The following THADA variants were observed in gnomAD, a reference collection of about 807,000 sequenced individuals.
The protein encoded by THADA is THADA armadillo repeat containing, also known as tRNA (32-2'-O)-methyltransferase regulator THADA.
A neutral mutation model predicts 219.8 loss-of-function variants in THADA; 213 were observed. The ratio of observed to expected loss-of-function variants is 0.97; its 90% CI spans 0.87 to 1.09. The LOEUF is 1.09. Among genes scored for constraint, THADA ranks in the 50% least tolerant of loss-of-function variants. The probability of loss-of-function intolerance (pLI) is 0.00; values close to 1 mark genes in which losing one functional copy is unlikely to be tolerated. For missense variants in THADA, 2,956 were observed against 2,311.3 expected (o/e 1.28, Z -5.72); for synonymous variants, 1,018 against 828.9 (o/e 1.23, Z -3.92).
At chr2:43,517,424 A>G (rs1691860014) in intron 22 of THADA, among the ~76,000 whole-genome samples, 1 of 152,322 alleles carries the variant, frequency 6.6e-6, no homozygotes, top group Middle Eastern at 3.4e-3. Flanking sequence ...ACCTCAACTG[A>G]GTAAGGGTAA....
At chr2:43,566,896 T>C in intron 14 of THADA, 75 bp from the exon 15 acceptor site, 3 of 1,016,364 alleles carry the variant, frequency 3.0e-6, no homozygotes, top group Non-Finnish European at 4.0e-6. Flanking sequence ...TAAACACCCT[T>C]TAAGAGTGGG....
At chr2:43,566,557 T>G (rs768033927) in intron 15 of THADA, 141 bp downstream of exon 15, 1 of 942,916 alleles carries the variant, frequency 1.1e-6, no homozygotes, top group Non-Finnish European at 1.7e-6. Flanking sequence ...AATTTCATTA[T>G]GTACAAGCAA....
At chr2:43,523,683 G>C (rs1432041643) in intron 22 of THADA, among the ~76,000 whole-genome samples, 1 of 152,074 alleles carries the variant, frequency 6.6e-6, no homozygotes, top group African/African-American at 2.4e-5. Context: ...GTCAGTACTA[G>C]TATTTAATGA....
At chr2:43,438,327 A>G (rs1261294300) in intron 26 of THADA, among the ~76,000 whole-genome samples, 1 of 150,692 alleles carries the variant, frequency 6.6e-6, no homozygotes, top group Non-Finnish European at 1.5e-5. Context: ...AACCCAAACT[A>G]TGCCAAGAGA....
intron 30 of THADA, among the ~76,000 whole-genome samples, chr2:43,332,123 T>C (rs1665859694): frequency 6.6e-6 from 1 of 152,236 alleles, no homozygotes; most frequent in Non-Finnish European, 1.5e-5. Context: ...TCTTGCTCTG[T>C]CACCCAGGCC....
intron 35 of THADA, among the ~76,000 whole-genome samples, chr2:43,281,306 C>T (rs1008454321): frequency 2.2e-4 from 34 of 152,184 alleles, no homozygotes; most frequent in Admixed American, 1.8e-3. Flanking sequence ...GGGTTCAATA[C>T]CTTCCTTTCT....
In THADA at chr2:43,304,741, G is replaced by A. The variant is rs6544642; in HGVS notation, c.4439-11528C>T. 4.8e-3 allele frequency among the ~76,000 whole-genome samples: 715 copies of A among 149,550 alleles called. 5 individuals are homozygous for A. Among genetic ancestry groups the A allele is most frequent in the African/African-American group, 0.017 (677 of 40,178 alleles). ...GGCTGGAGTGCAGTGGTGCAATCTC[G>A]GCTCACCGCAACCTCCGCCTTTCGG... On this transcript the variant is annotated intron_variant, in intron 31 of 37. Coordinates refer to ENST00000405975, the MANE Select transcript of THADA (RefSeq NM_022065.5).
chr2:43,431,821 C>T (rs1337091520), intron 26 of THADA, among the ~76,000 whole-genome samples: 1 of 58,086 alleles, frequency 1.7e-5, no homozygotes, highest in Non-Finnish European at 3.1e-5. Flanking sequence ...CCCGCCACCA[C>T]GCCCGGATAA....
intron 36 of THADA, among the ~76,000 whole-genome samples, chr2:43,248,174 G>T (rs1361698426): frequency 0.012 from 742 of 64,202 alleles, 1 homozygote; most frequent in African/African-American, 0.016. Flanking sequence ...TAGAGAGAGA[G>T]AGAGAGAGAG....
intron 29 of THADA, among the ~76,000 whole-genome samples, chr2:43,364,957 C>CTT (rs111298149): frequency 5.9e-5 from 8 of 135,920 alleles, no homozygotes; most frequent in Admixed American, 7.4e-5. Flanking sequence ...TTAATCTCAT[C>CTT]TTTTTTTTTT....
intron 28 of THADA, among the ~76,000 whole-genome samples, chr2:43,399,691 C>A (rs1674549677): frequency 6.6e-6 from 1 of 152,098 alleles, no homozygotes; most frequent in South Asian, 2.1e-4. Context: ...GCTATGGTTA[C>A]AGTAGGTAGC....
chr2:43,437,115 T>C (rs148938072), intron 26 of THADA, among the ~76,000 whole-genome samples: 223 of 152,326 alleles, frequency 1.5e-3, no homozygotes, highest in African/African-American at 5.2e-3. Context: ...ATTAAAAACA[T>C]GGTACAAAAT....
At chr2:43,284,522 A>G (rs1420706617) in intron 35 of THADA, among the ~76,000 whole-genome samples, 2 of 152,178 alleles carry the variant, frequency 1.3e-5, no homozygotes, top group Admixed American at 6.5e-5. Flanking sequence ...ACCTCTGCCT[A>G]AAGTTCAGAG....
intron 26 of THADA, among the ~76,000 whole-genome samples, chr2:43,433,806 G>C (rs1045519054): frequency 1.3e-5 from 2 of 152,066 alleles, no homozygotes; most frequent in Non-Finnish European, 2.9e-5. Context: ...TCGTGCCTCA[G>C]CCTCCTGAGT....
intron 36 of THADA, among the ~76,000 whole-genome samples, chr2:43,266,477 C>T (rs1671532131): frequency 6.6e-6 from 1 of 152,148 alleles, no homozygotes; most frequent in African/African-American, 2.4e-5. Context: ...GTGGCTGGCA[C>T]CTGTAGTTGC....
intron 36 of THADA, among the ~76,000 whole-genome samples, chr2:43,277,769 T>C (rs999180638): frequency 4.6e-5 from 7 of 152,204 alleles, no homozygotes; most frequent in African/African-American, 1.7e-4. Flanking sequence ...AACCACCGAT[T>C]TGGGGACAAA....
At chr2:43,566,992 T>C (rs994519935) in intron 14 of THADA, among the ~76,000 whole-genome samples, 171 bp from the exon 15 acceptor site, 3 of 152,178 alleles carry the variant, frequency 2.0e-5, no homozygotes, top group African/African-American at 7.2e-5. Context: ...TTAGCACCCT[T>C]GACCATAAGC....
chr2:43,477,260 G>C (rs1051724025), intron 26 of THADA, among the ~76,000 whole-genome samples: 8 of 151,672 alleles, frequency 5.3e-5, no homozygotes, highest in Non-Finnish European at 1.2e-4. Flanking sequence ...GAGAGAGAGA[G>C]AGAGAAGGGA....
In THADA at chr2:43,587,017, A is replaced by G; in HGVS notation, c.303-15T>C. ...TATTTAGTGAGCTAGAAAAAGAAAC[A>G]AATATTAAAAATCTGACAATCTAAT... On this transcript the variant is annotated splice_polypyrimidine_tract_variant and intron_variant, in intron 4 of 37. Transcript: ENST00000405975. 1.2e-6 allele frequency: 2 copies of G among 1,607,630 alleles called. No homozygotes were observed. The highest frequency in any genetic ancestry group is 1.7e-6 in the Non-Finnish European group (2 of 1,176,852).
Sources: allele counts gnomAD v4.1 joint callset (sites outside exome capture counted in the v4.1 genomes callset), GRCh38; gene constraint gnomAD v4.1.1; transcripts MANE v1.5; gene names NCBI Gene and HGNC (gene_info 2026-07-23, HGNC 2026-07-21).